SUV39H2: variants seen among roughly 807,000 people sequenced by gnomAD.
SUV39H2 encodes the protein SUV39H2 histone lysine methyltransferase.
A neutral mutation model predicts 47.5 loss-of-function variants in SUV39H2; 10 were observed. The ratio of observed to expected loss-of-function variants is 0.21; its 90% confidence interval spans 0.13 to 0.36. The LOEUF (loss-of-function observed/expected upper bound fraction) is 0.36. Ranked by LOEUF, SUV39H2 falls within the 10% of genes least tolerant of loss-of-function variation. The pLI, the probability that SUV39H2 is intolerant of heterozygous loss-of-function variation, is 1.00. For synonymous variants in SUV39H2, 159 were observed against 166.8 expected (o/e 0.95, Z 0.36); for missense variants, 266 against 487.4 (o/e 0.55, Z 4.28).
At chr10:14,879,538 CTCTT>C (rs1204623171) in intron 1 of SUV39H2, among the ~76,000 whole-genome samples, 4 of 152,250 alleles carry the variant, frequency 2.6e-5, no homozygotes, top group Non-Finnish European at 4.4e-5. Flanking sequence ...CTTACGGTAA[CTCTT>C]TCACCCACCG....
intron 2 of SUV39H2, among the ~76,000 whole-genome samples, chr10:14,882,859 T>C (rs1397582537): frequency 2.6e-5 from 4 of 151,394 alleles, no homozygotes; most frequent in South Asian, 2.1e-4. Flanking sequence ...CTACCCCCTA[T>C]AGGAGTTTTT....
At chr10:14,884,010 C>T (rs1231783171) in intron 2 of SUV39H2, among the ~76,000 whole-genome samples, 1 of 152,222 alleles carries the variant, frequency 6.6e-6, no homozygotes, top group Non-Finnish European at 1.5e-5. Context: ...TATATCAATA[C>T]TTCATTCCTT....
At position 14,899,525 on chromosome 10, in the gene SUV39H2, T is replaced by G; in HGVS notation, c.850-14T>G. ...CAGTAGCTACGTAATATACTTACAGTTTTTTCTGTTTAGGTAATCACAAGT... is the reference window on the plus strand; with the variant it reads ...CAGTAGCTACGTAATATACTTACAGGTTTTTCTGTTTAGGTAATCACAAGT... On this transcript the variant is annotated splice_polypyrimidine_tract_variant and intron_variant, in intron 3 of 5. Transcript: ENST00000354919. The G allele has an allele frequency of 6.2e-7, 1 of 1,613,066 alleles. No individual in the cohort carries two copies. Among genetic ancestry groups the G allele is most frequent in the Non-Finnish European group, 8.5e-7 (1 of 1,179,744 alleles).
At chr10:14,894,248 G>A (rs1246254622) in intron 2 of SUV39H2, among the ~76,000 whole-genome samples, 10 of 140,618 alleles carry the variant, frequency 7.1e-5, no homozygotes, top group Middle Eastern at 7.9e-3. Context: ...TCCTGGAACC[G>A]CAATATATAT....
At chr10:14,890,800 C>T (rs1388315946) in intron 2 of SUV39H2, among the ~76,000 whole-genome samples, 1 of 152,194 alleles carries the variant, frequency 6.6e-6, no homozygotes, top group African/African-American at 2.4e-5. Context: ...TTGGTGTTTG[C>T]TGCCACTTGT....
rs919860514 is a variant in SUV39H2 at position 14,898,202 on chromosome 10, C to CTTTT, written c.849+710_849+713dup. The stretch of plus-strand genomic sequence containing the variant: ...AAAACTCAGTGAGGTAGTACTGTTT[C>CTTTT]TTTTTTTTTTTTTTTTTTTTTTTTT... On this transcript the variant is annotated intron_variant, in intron 3 of 5. Coordinates refer to ENST00000354919, the MANE Select transcript of SUV39H2 (RefSeq NM_001193424.2). 47 of 56,152 alleles carry CTTTT rather than the reference C, an allele frequency of 8.4e-4. 1 individual carries two copies. The highest frequency in any genetic ancestry group is 1.3e-3 in the African/African-American group (18 of 14,148). The allele number at this position is 56,152 out of a possible 1,614,324, so 3.5% of individuals were successfully genotyped here. A position where few individuals can be genotyped will look rare whatever the true frequency, so the allele number is the denominator to read the frequency against.
At chr10:14,888,888 T>C (rs542504608) in intron 2 of SUV39H2, among the ~76,000 whole-genome samples, 30 of 152,296 alleles carry the variant, frequency 2.0e-4, no homozygotes, top group African/African-American at 6.5e-4. Context: ...GCGGATCACC[T>C]GAGGTCGGGA....
At position 14,894,561 on chromosome 10, in the gene SUV39H2, G is replaced by T. The variant is rs1833503752; in HGVS notation, c.178-2285G>T. On this transcript the variant is annotated intron_variant, in intron 2 of 5. Transcript: ENST00000354919. ...TTTTTGTATTTTTAGTAGAGACGGG[G>T]TTTCACCGTGTTAGCCAAGATGGTC... is the stretch of plus-strand genomic sequence containing the variant. Among the ~76,000 whole-genome samples the T allele has an allele frequency of 1.1e-4, 8 of 70,906 alleles. 1 individual carries two copies. In the South Asian group the frequency reaches 4.8e-3, roughly 43 times the overall value. The allele number at this position is 70,906 out of a possible 152,430, so 46.5% of individuals were successfully genotyped here. A position where few individuals can be genotyped will look rare whatever the true frequency, so the allele number is the denominator to read the frequency against.
At chr10:14,883,224 T>C (rs1414446380) in intron 2 of SUV39H2, among the ~76,000 whole-genome samples, 1 of 152,284 alleles carries the variant, frequency 6.6e-6, no homozygotes, top group African/African-American at 2.4e-5. Flanking sequence ...TTTACTGATA[T>C]ATCTCAGTCA....
chr10:14,887,268 T>C (rs1176075132), intron 2 of SUV39H2, among the ~76,000 whole-genome samples: 2 of 151,870 alleles, frequency 1.3e-5, no homozygotes, highest in African/African-American at 2.4e-5. Flanking sequence ...GGATGTAAAA[T>C]GTATGTCTGT....
At chr10:14,883,730 A>AAAAAAAAAAAAAAC in intron 2 of SUV39H2, among the ~76,000 whole-genome samples, 1 of 149,784 alleles carries the variant, frequency 6.7e-6, no homozygotes, top group Non-Finnish European at 1.5e-5. Flanking sequence ...AAAAAAAAAA[A>AAAAAAAAAAAAAAC]AATCCCACAG....
chr10:14,898,202 C>CTTTTTTTTT lies in SUV39H2; in HGVS notation c.849+705_849+713dup, dbSNP rs919860514. 1.1e-3 allele frequency: 62 copies of CTTTTTTTTT among 56,150 alleles called. 5 individuals carry two copies. The highest frequency in any genetic ancestry group is 2.8e-3 in the African/African-American group (40 of 14,148). The allele number at this position is 56,150 out of a possible 1,614,324, so 3.5% of individuals were successfully genotyped here. A position where few individuals can be genotyped will look rare whatever the true frequency, so the allele number is the denominator to read the frequency against. Reference sequence around the variant, plus strand: ...AAAACTCAGTGAGGTAGTACTGTTTCTTTTTTTTTTTTTTTTTTTTTTTTT... The same window carrying CTTTTTTTTT: ...AAAACTCAGTGAGGTAGTACTGTTTCTTTTTTTTTTTTTTTTTTTTTTTTTTTTTTTTTT... On this transcript the variant is annotated intron_variant, in intron 3 of 5. Coordinates refer to ENST00000354919, the MANE Select transcript of SUV39H2 (RefSeq NM_001193424.2).
chr10:14,895,667 C>G (rs1363864268), intron 2 of SUV39H2, among the ~76,000 whole-genome samples: 1 of 152,144 alleles, frequency 6.6e-6, no homozygotes, highest in Admixed American at 6.5e-5. Context: ...CTAATCCAGT[C>G]ATGGGTGAGT....
intron 4 of SUV39H2, among the ~76,000 whole-genome samples, chr10:14,900,628 G>A (rs150985488): frequency 5.3e-5 from 8 of 152,058 alleles, no homozygotes; most frequent in African/African-American, 1.4e-4. Flanking sequence ...TGCATATTCC[G>A]TAAGTTTACT....
At chr10:14,892,610 T>C (rs1809084698) in intron 2 of SUV39H2, among the ~76,000 whole-genome samples, 1 of 152,172 alleles carries the variant, frequency 6.6e-6, no homozygotes, top group African/African-American at 2.4e-5. Flanking sequence ...CTCAGCTGCA[T>C]TGATTTCCCT....
chr10:14,884,163 A>G (rs1352509487), intron 2 of SUV39H2, among the ~76,000 whole-genome samples: 1 of 152,202 alleles, frequency 6.6e-6, no homozygotes, highest in East Asian at 1.9e-4. Flanking sequence ...CTGTGTGGAC[A>G]TAAGTTTTCA....
At chr10:14,895,087 T>G (rs1219528158) in intron 2 of SUV39H2, among the ~76,000 whole-genome samples, 1 of 152,100 alleles carries the variant, frequency 6.6e-6, no homozygotes, top group Non-Finnish European at 1.5e-5. Context: ...TGGCTATATA[T>G]TATTCCAGAA....
chr10:14,887,203 A>C lies in SUV39H2; in HGVS notation c.177+5558A>C, dbSNP rs565933177. ...ACAATGGTGCTTGGACTAAAGTATT[A>C]ACGATGTCAAGGAAAAGTAGGTGCA... On this transcript the variant is annotated intron_variant, in intron 2 of 5. Transcript: ENST00000354919. 1.4e-4 allele frequency among the ~76,000 whole-genome samples: 21 copies of C among 152,318 alleles called. No individual in the cohort carries two copies. In the East Asian group the frequency reaches 3.9e-3, roughly 28 times the overall value.
chr10:14,881,066 T>G (rs935623483), intron 1 of SUV39H2, among the ~76,000 whole-genome samples: 7 of 152,218 alleles, frequency 4.6e-5, no homozygotes, highest in Non-Finnish European at 1.0e-4. Context: ...ATTATAAGAT[T>G]GTTTTAAAGT....
Sources: allele counts gnomAD v4.1 joint callset (sites outside exome capture counted in the v4.1 genomes callset), GRCh38; gene constraint gnomAD v4.1.1; transcripts MANE v1.5; gene names NCBI Gene and HGNC (gene_info 2026-07-23, HGNC 2026-07-21).